The following MACROD2 variants were observed in gnomAD, a reference collection of about 807,000 sequenced individuals.
The protein encoded by MACROD2 is mono-ADP ribosylhydrolase 2, also known as ADP-ribose glycohydrolase MACROD2.
Under a neutral mutation model 70.4 loss-of-function variants are expected in MACROD2, and 36 were observed. That is an observed-to-expected ratio of 0.51 (90% CI 0.39 to 0.68). MACROD2 has a LOEUF of 0.68. Among genes scored for constraint, MACROD2 ranks in the 30% least tolerant of loss-of-function variants. MACROD2 has a pLI of 0.00. For missense variants in MACROD2, 496 were observed against 538.4 expected, an observed-to-expected ratio of 0.92 and a Z score of 0.78; for synonymous variants, 172 against 178.8, an observed-to-expected ratio of 0.96 and a Z score of 0.30.
rs549601976 is a variant in MACROD2, at chr20:15,238,961, A to G, written c.540+8900A>G. Among the ~76,000 whole-genome samples the G allele has an allele frequency of 3.7e-4, 57 of 152,316 alleles. 1 individual carries two copies. The South Asian group carries it at 7.2e-3, about 19-fold the overall frequency. On this transcript the variant is annotated intron_variant, in intron 6 of 17. Transcript: ENST00000684519. The stretch of plus-strand genomic sequence containing the variant: ...TATAGAAACAGTAAAGAGATTTGCA[A>G]TGCAAGCTTTCATCTTGAGTGCTTT...
At chr20:15,931,612 C>A (rs1394328654) in intron 10 of MACROD2, among the ~76,000 whole-genome samples, 5 of 151,794 alleles carry the variant, frequency 3.3e-5, no homozygotes, top group African/African-American at 1.2e-4. Flanking sequence ...CACTGCACTC[C>A]AGGCTGGACA....
At chr20:14,825,363 A>C (rs1045003416) in intron 5 of MACROD2, among the ~76,000 whole-genome samples, 8 of 152,096 alleles carry the variant, frequency 5.3e-5, no homozygotes, top group African/African-American at 1.9e-4. Context: ...GACCAGTGAC[A>C]ACAGTGTCCA....
chr20:15,069,050 A>T (rs908435276), intron 5 of MACROD2, among the ~76,000 whole-genome samples: 1 of 152,162 alleles, frequency 6.6e-6, no homozygotes, highest in African/African-American at 2.4e-5. Context: ...GTTATTGGGA[A>T]CTAGTGTAGA....
chr20:15,645,252 G>A (rs1464548794), intron 8 of MACROD2, among the ~76,000 whole-genome samples: 1 of 152,202 alleles, frequency 6.6e-6, no homozygotes, highest in African/African-American at 2.4e-5. Flanking sequence ...AGAGGCAAGA[G>A]GGTCCCCATA....
At chr20:15,018,091 AGTC>A (rs1431863812) in intron 5 of MACROD2, among the ~76,000 whole-genome samples, 2 of 152,190 alleles carry the variant, frequency 1.3e-5, no homozygotes, top group African/African-American at 4.8e-5. Flanking sequence ...TCTATCGAAT[AGTC>A]AGGCTGCGAC....
intron 6 of MACROD2, among the ~76,000 whole-genome samples, chr20:15,400,066 G>A (rs979391567): frequency 2.6e-5 from 4 of 152,168 alleles, no homozygotes; most frequent in Admixed American, 1.3e-4. Flanking sequence ...CACTATAAAA[G>A]AAGTCAGGAA....
At chr20:15,138,909 A>C (rs2076170989) in intron 5 of MACROD2, among the ~76,000 whole-genome samples, 1 of 152,178 alleles carries the variant, frequency 6.6e-6, no homozygotes, top group African/African-American at 2.4e-5. Flanking sequence ...TTAAGTGTTA[A>C]TGATTATTCA....
chr20:14,049,598 C>G (rs979037045), intron 2 of MACROD2, among the ~76,000 whole-genome samples: 1 of 143,258 alleles, frequency 7.0e-6, no homozygotes, highest in Admixed American at 7.0e-5. Flanking sequence ...AAAAAAAATA[C>G]AAAAATTACG....
chr20:15,069,011 G>T (rs759497769), intron 5 of MACROD2, among the ~76,000 whole-genome samples: 1 of 152,126 alleles, frequency 6.6e-6, no homozygotes, highest in Non-Finnish European at 1.5e-5. Context: ...GACAGTGAAG[G>T]CCAGGCTGAC....
chr20:14,787,190 T>G (rs919811033), intron 5 of MACROD2, among the ~76,000 whole-genome samples: 2 of 152,152 alleles, frequency 1.3e-5, no homozygotes, highest in Non-Finnish European at 2.9e-5. Flanking sequence ...GATGGTCAGT[T>G]TTTAAGTTTT....
chr20:14,329,568 GA>G (rs1792253781), intron 3 of MACROD2, among the ~76,000 whole-genome samples: 1 of 151,956 alleles, frequency 6.6e-6, no homozygotes, highest in African/African-American at 2.4e-5. Context: ...GTGTCACTTT[GA>G]ATTAAACACC....
chr20:14,644,864 A>T (rs1308930263), intron 4 of MACROD2, among the ~76,000 whole-genome samples: 1 of 152,114 alleles, frequency 6.6e-6, no homozygotes, highest in African/African-American at 2.4e-5. Flanking sequence ...AAAAGCAAAC[A>T]ACAAAAACAA....
chr20:14,347,721 C>T (rs2083078568), intron 3 of MACROD2, among the ~76,000 whole-genome samples: 1 of 152,106 alleles, frequency 6.6e-6, no homozygotes, highest in Non-Finnish European at 1.5e-5. Flanking sequence ...AGAAAGGGTC[C>T]CCTCTACCAT....
intron 7 of MACROD2, among the ~76,000 whole-genome samples, chr20:15,456,997 G>A (rs1160945151): frequency 6.6e-6 from 1 of 150,744 alleles, no homozygotes; most frequent in Non-Finnish European, 1.5e-5. Context: ...AGACAGGCTA[G>A]CACCTGCAAA....
intron 15 of MACROD2, among the ~76,000 whole-genome samples, chr20:16,024,940 T>TTTTGTTTG (rs139692960): frequency 1.3e-5 from 2 of 152,212 alleles, no homozygotes; most frequent in South Asian, 2.1e-4. Context: ...GGTCTAGGCT[T>TTTTGTTTG]TTTGTTTGTT....
chr20:14,936,560 G>A (rs2074341829), intron 5 of MACROD2, among the ~76,000 whole-genome samples: 1 of 151,862 alleles, frequency 6.6e-6, no homozygotes, highest in South Asian at 2.1e-4. Flanking sequence ...GTAAATCTTT[G>A]TAGCTCTCTC....
chr20:15,437,990 G>A (rs1435907379), intron 7 of MACROD2, among the ~76,000 whole-genome samples: 5 of 151,916 alleles, frequency 3.3e-5, no homozygotes, highest in Admixed American at 6.6e-5. Flanking sequence ...ATAGTGGAAC[G>A]TTTTATATTC....
intron 10 of MACROD2, among the ~76,000 whole-genome samples, chr20:15,898,205 G>A (rs184254271): frequency 8.6e-5 from 13 of 152,026 alleles, no homozygotes; most frequent in Admixed American, 2.6e-4. Context: ...CACACGTGTG[G>A]CTCATTCAAA....
chr20:14,245,232 G>T (rs577287250), intron 3 of MACROD2, among the ~76,000 whole-genome samples: 1 of 151,842 alleles, frequency 6.6e-6, no homozygotes, highest in African/African-American at 2.4e-5. Flanking sequence ...GCGTGGTGGC[G>T]GGCACCTGTA....
Sources: gnomAD v4.1 joint callset for allele counts (sites outside exome capture counted in the v4.1 genomes callset) on GRCh38, gnomAD v4.1.1 for gene constraint, MANE v1.5 for transcripts, NCBI Gene and HGNC (gene_info 2026-07-23, HGNC 2026-07-21) for gene names.